Variants in DIPK1A observed in about 807,000 individuals in gnomAD.
DIPK1A encodes divergent protein kinase domain 1A, also known as family with sequence similarity 69 member A.
DIPK1A carries 27 observed loss-of-function variants against 40.8 expected under a neutral mutation model. The observed-to-expected ratio is 0.66, with a 90% CI of 0.49 to 0.91. The LOEUF is 0.91. Ranked by LOEUF, DIPK1A falls within the 40% of genes least tolerant of loss-of-function variation. DIPK1A has a pLI of 0.00. For synonymous variants in DIPK1A, 166 were observed against 171.3 expected (o/e 0.97, Z 0.24); for missense variants, 412 against 505.7 (o/e 0.81, Z 1.78).
At chr1:92,874,034 A>AT (rs1250461569) in intron 2 of DIPK1A, among the ~76,000 whole-genome samples, 1 of 152,186 alleles carries the variant, frequency 6.6e-6, no homozygotes, top group Non-Finnish European at 1.5e-5. Flanking sequence ...AATAACTATA[A>AT]TTTTTTAAAA....
downstream of DIPK1A, among the ~76,000 whole-genome samples, chr1:92,840,028 A>ATTTT (rs1445390931): frequency 7.1e-6 from 1 of 141,210 alleles, no homozygotes. Context: ...TTTTTTTTTA[A>ATTTT]TTTTTGGTAG....
At chr1:92,860,641 A>T (rs1202008328) in intron 2 of DIPK1A, among the ~76,000 whole-genome samples, 237 of 9,594 alleles carry the variant, frequency 0.025, 11 homozygotes, top group Non-Finnish European at 0.046. Context: ...AAAAAAAAAA[A>T]AAAAATGGTG....
intron 2 of DIPK1A, among the ~76,000 whole-genome samples, chr1:92,868,598 T>A (rs370958426): frequency 6.6e-6 from 1 of 152,158 alleles, no homozygotes; most frequent in South Asian, 2.1e-4. Context: ...ATTACATATG[T>A]TTTCATTGCA....
intron 2 of DIPK1A, among the ~76,000 whole-genome samples, chr1:92,866,579 TGGCTA>T (rs1372407365): frequency 6.6e-6 from 1 of 152,254 alleles, no homozygotes; most frequent in Non-Finnish European, 1.5e-5. Context: ...CCAACTAGGT[TGGCTA>T]GGCCATAGCC....
At chr1:92,884,817 T>G (rs1193782105) in intron 1 of DIPK1A, among the ~76,000 whole-genome samples, 3 of 152,240 alleles carry the variant, frequency 2.0e-5, no homozygotes, top group Non-Finnish European at 4.4e-5. Context: ...GGGCAAAATT[T>G]ACTTGGAGTA....
intron 2 of DIPK1A, among the ~76,000 whole-genome samples, chr1:92,874,544 C>G (rs959026346): frequency 2.6e-5 from 4 of 152,186 alleles, no homozygotes; most frequent in Non-Finnish European, 5.9e-5. Context: ...CATGGAATAT[C>G]TATTAATGTG....
chr1:92,922,425 C>T (rs945741476), intron 1 of DIPK1A, among the ~76,000 whole-genome samples: 3 of 150,676 alleles, frequency 2.0e-5, no homozygotes, highest in East Asian at 1.9e-4. Flanking sequence ...GTTTTCCAGA[C>T]GAATTATTTG....
chr1:92,951,128 A>G (rs11164845), intron 1 of DIPK1A, among the ~76,000 whole-genome samples: 47,464 of 152,044 alleles, frequency 0.31, 7,944 homozygotes, highest in Non-Finnish European at 0.37. Context: ...ATCCTGGATT[A>G]TCTGAGTGGA....
At chr1:92,954,985 C>T (rs892592670) in intron 1 of DIPK1A, among the ~76,000 whole-genome samples, 13 of 151,998 alleles carry the variant, frequency 8.6e-5, no homozygotes, top group African/African-American at 1.9e-4. Flanking sequence ...ACCCAGACAA[C>T]GAAATATTAT....
At chr1:92,955,327 C>T (rs1223009514) in intron 1 of DIPK1A, among the ~76,000 whole-genome samples, 1 of 152,158 alleles carries the variant, frequency 6.6e-6, no homozygotes, top group East Asian at 1.9e-4. Context: ...TAATGTAAAA[C>T]TATGGACTTT....
intron 1 of DIPK1A, chr1:92,933,426 GGGTGGTTC>G (rs1177506154): frequency 1.3e-5 from 2 of 152,144 alleles, no homozygotes; most frequent in Middle Eastern, 3.2e-3. Flanking sequence ...CTGCCCAGTG[GGGTGGTTC>G]CCATCTATAA....
chr1:92,841,930 G>A, downstream of DIPK1A: 2 of 1,285,770 alleles, frequency 1.6e-6, no homozygotes, highest in Non-Finnish European at 2.2e-6. Context: ...AACTATTTCT[G>A]TGTTAAGCTC....
intron 2 of DIPK1A, among the ~76,000 whole-genome samples, chr1:92,854,548 T>C (rs899906973): frequency 1.3e-5 from 2 of 152,242 alleles, no homozygotes; most frequent in African/African-American, 4.8e-5. Flanking sequence ...GCCCTGCCCA[T>C]GTGCAGAGTT....
Position 92,950,354 on chromosome 1 carries a change from G to A in DIPK1A, c.54+11022C>T, listed in dbSNP as rs114695430. Among the ~76,000 whole-genome samples the A allele has an allele frequency of 9.2e-5, 14 of 152,248 alleles. 1 individual carries two copies. Among genetic ancestry groups the A allele is most frequent in the African/African-American group, 3.4e-4 (14 of 41,524 alleles). On this transcript the variant is annotated intron_variant, in intron 1 of 4. Transcript: ENST00000370310. ...AAGGTGGTAGTGGCAGGAATGGAACGACAATATAGGAAGGGGCAAGAAATG... is the reference window on the plus strand; with the variant it reads ...AAGGTGGTAGTGGCAGGAATGGAACAACAATATAGGAAGGGGCAAGAAATG...
intron 1 of DIPK1A, among the ~76,000 whole-genome samples, chr1:92,943,905 G>A (rs1651267377): frequency 6.6e-6 from 1 of 152,122 alleles, no homozygotes; most frequent in Non-Finnish European, 1.5e-5. Flanking sequence ...TGAAAAAGAA[G>A]AGCTAAGATA....
At position 92,843,491 on chromosome 1, in the gene DIPK1A, A is replaced by G. The variant is rs780601438; in HGVS notation, c.1179T>C (p.Cys393=). The G allele has an allele frequency of 1.9e-6, 3 of 1,551,698 alleles. No individual in the cohort carries two copies. Among genetic ancestry groups the G allele is most frequent in the Non-Finnish European group, 2.6e-6 (3 of 1,146,938 alleles). The change falls in exon 5 of 5, where the codon TGT becomes TGC. Residue 393 remains cysteine (C), a synonymous_variant. Coordinates refer to ENST00000370310, the MANE Select transcript of DIPK1A (RefSeq NM_001006605.5). ...REELEKQLYS[C]IALKVTANQM... Reference sequence around the variant, plus strand: ...GATTTGCTGTGACTTTGAGAGCAATACAAGAATAAAGCTGCTTTTCTAATT... The same window carrying G: ...GATTTGCTGTGACTTTGAGAGCAATGCAAGAATAAAGCTGCTTTTCTAATT...
chr1:92,860,646 A>AAAAAAAAAAAAGAGCCAGGTG (rs148916481), intron 2 of DIPK1A, among the ~76,000 whole-genome samples: 2 of 105,212 alleles, frequency 1.9e-5, no homozygotes, highest in Admixed American at 1.2e-4. Context: ...AAAAAAAAAA[A>AAAAAAAAAAAAGAGCCAGGTG]TGGTGGTGTG....
intron 1 of DIPK1A, among the ~76,000 whole-genome samples, chr1:92,914,500 T>G (rs1169483278): frequency 6.6e-6 from 1 of 152,098 alleles, no homozygotes; most frequent in Non-Finnish European, 1.5e-5. Context: ...CCAGGCACGG[T>G]GGCTCTCGCG....
intron 1 of DIPK1A, among the ~76,000 whole-genome samples, chr1:92,921,790 G>A (rs1650278772): frequency 6.6e-6 from 1 of 152,182 alleles, no homozygotes; most frequent in Admixed American, 6.5e-5. Context: ...AAAGGTACAA[G>A]GAAAGGGACC....
Sources: allele counts gnomAD v4.1 joint callset (sites outside exome capture counted in the v4.1 genomes callset), GRCh38; gene constraint gnomAD v4.1.1; transcripts MANE v1.5; gene names NCBI Gene and HGNC (gene_info 2026-07-23, HGNC 2026-07-21).